Variants in PTCHD4 observed in about 807,000 individuals in gnomAD.
The protein encoded by PTCHD4 is patched domain-containing protein 4.
Under a neutral mutation model 58.1 loss-of-function variants are expected in PTCHD4, and 33 were observed. That is an observed-to-expected ratio of 0.57 (90% confidence interval 0.43 to 0.76). The LOEUF is 0.76. PTCHD4 is among the 30% of genes least tolerant of loss of function. PTCHD4 has a pLI of 0.00. For synonymous variants in PTCHD4, 478 were observed against 409.6 expected, an observed-to-expected ratio of 1.17 and a Z score of -2.02; for missense variants, 1,058 against 1,027.1, an observed-to-expected ratio of 1.03 and a Z score of -0.41.
At chr6:47,992,955 C>G (rs956661113) in intron 4 of PTCHD4, among the ~76,000 whole-genome samples, 11 of 152,084 alleles carry the variant, frequency 7.2e-5, no homozygotes, top group African/African-American at 2.4e-4. Context: ...AGCAGCAGTG[C>G]TGAAAAGGAC....
chr6:48,001,914 A>G (rs1768737905), intron 4 of PTCHD4, among the ~76,000 whole-genome samples: 1 of 152,248 alleles, frequency 6.6e-6, no homozygotes, highest in African/African-American at 2.4e-5. Context: ...AATTTACAAG[A>G]AAAAACCAAA....
intron 1 of PTCHD4, among the ~76,000 whole-genome samples, chr6:48,102,367 C>T (rs1765622731): frequency 6.6e-6 from 1 of 152,206 alleles, no homozygotes; most frequent in Non-Finnish European, 1.5e-5. Flanking sequence ...ATAGGGTTAT[C>T]TTACCCTGAG....
At chr6:47,880,550 G>A (rs980365811) in intron 4 of PTCHD4, among the ~76,000 whole-genome samples, 6 of 151,806 alleles carry the variant, frequency 4.0e-5, no homozygotes, top group African/African-American at 9.7e-5. Flanking sequence ...AATCTGCCAC[G>A]TCACATAAAA....
intron 4 of PTCHD4, among the ~76,000 whole-genome samples, chr6:47,967,744 C>T (rs1185159265): frequency 6.6e-6 from 1 of 152,150 alleles, no homozygotes; most frequent in East Asian, 1.9e-4. Context: ...TCTTCTCTCC[C>T]TAAACTTCAT....
chr6:48,021,777 G>A (rs186905259), intron 3 of PTCHD4, among the ~76,000 whole-genome samples: 1 of 152,088 alleles, frequency 6.6e-6, no homozygotes, highest in East Asian at 1.9e-4. Flanking sequence ...GCTGTCTAAG[G>A]TTATATCAAA....
Position 48,105,625 on chromosome 6 carries a change from C to CA in PTCHD4, c.-970+5423dup, listed in dbSNP as rs555348162. ...AGAGCAGAACTGAAGGAAATAGAGA[C>CA]AAAAAAAACCCTTCAAAAAATCAAT... On this transcript the variant is annotated intron_variant, in intron 1 of 4. Coordinates refer to ENST00000339488, the MANE Select transcript of PTCHD4 (RefSeq NM_001384253.1). 4.5e-3 allele frequency among the ~76,000 whole-genome samples: 677 copies of CA among 151,252 alleles called. 12 individuals carry two copies. The highest frequency in any genetic ancestry group is 3.6e-3 in the Non-Finnish European group (247 of 67,730).
chr6:47,915,660 C>T (rs189068690), intron 4 of PTCHD4, among the ~76,000 whole-genome samples: 1 of 150,592 alleles, frequency 6.6e-6, no homozygotes, highest in African/African-American at 2.4e-5. Flanking sequence ...CTTTGTAATG[C>T]TATTTTATTT....
intron 3 of PTCHD4, among the ~76,000 whole-genome samples, chr6:48,060,230 T>A (rs1409164228): frequency 6.6e-6 from 1 of 152,212 alleles, no homozygotes; most frequent in Non-Finnish European, 1.5e-5. Context: ...CACATTAGTA[T>A]GGCCTGCACT....
chr6:48,013,854 G>T (rs908227847), intron 3 of PTCHD4, among the ~76,000 whole-genome samples: 1 of 152,122 alleles, frequency 6.6e-6, no homozygotes, highest in Admixed American at 6.5e-5. Context: ...GCAACAAAAT[G>T]ATTTATTCAT....
chr6:48,108,633 A>T (rs1582148621), intron 1 of PTCHD4, among the ~76,000 whole-genome samples: 1 of 151,766 alleles, frequency 6.6e-6, no homozygotes, highest in Admixed American at 6.6e-5. Flanking sequence ...ATAAAAATAA[A>T]AACTATTCTT....
intron 4 of PTCHD4, among the ~76,000 whole-genome samples, chr6:47,929,388 A>C (rs1172684472): frequency 6.6e-6 from 1 of 152,190 alleles, no homozygotes; most frequent in Non-Finnish European, 1.5e-5. Context: ...TTACACTGAT[A>C]TTTAATATAA....
rs1765398612 is a variant in PTCHD4, at chr6:47,920,539, A to C, written c.899-40603T>G. ...AGAAGAGAAAGAAGAGTTCAAGATA[A>C]AAATTGAAATTGTCATCCAATATTG... On this transcript the variant is annotated intron_variant, in intron 4 of 4. Coordinates refer to ENST00000339488, the MANE Select transcript of PTCHD4 (RefSeq NM_001384253.1). 2.6e-5 allele frequency among the ~76,000 whole-genome samples: 4 copies of C among 152,188 alleles called. No homozygotes were observed. The South Asian group carries it at 8.3e-4, about 31-fold the overall frequency.
chr6:47,996,293 A>G (rs187184465), intron 4 of PTCHD4, among the ~76,000 whole-genome samples: 15 of 152,184 alleles, frequency 9.9e-5, no homozygotes, highest in African/African-American at 3.6e-4. Flanking sequence ...ACATGGTGAA[A>G]CCCCATCTCT....
chr6:47,995,858 C>CCATG (rs747652380), intron 4 of PTCHD4, among the ~76,000 whole-genome samples: 1 of 152,100 alleles, frequency 6.6e-6, no homozygotes, highest in South Asian at 2.1e-4. Flanking sequence ...GTGCAGCCAC[C>CCATG]CATGCTATGA....
At chr6:48,074,158 G>A (rs1050151114) in intron 1 of PTCHD4, among the ~76,000 whole-genome samples, 1 of 151,754 alleles carries the variant, frequency 6.6e-6, no homozygotes, top group African/African-American at 2.4e-5. Flanking sequence ...GCAGAAGGGC[G>A]TATCCGAGAT....
intron 4 of PTCHD4, among the ~76,000 whole-genome samples, chr6:47,895,612 T>C (rs555578669): frequency 6.6e-6 from 1 of 152,320 alleles, no homozygotes; most frequent in African/African-American, 2.4e-5. Context: ...TGGTGCTACA[T>C]GAGAGCACAT....
At chr6:47,965,974 C>T (rs917802442) in intron 4 of PTCHD4, among the ~76,000 whole-genome samples, 5 of 152,024 alleles carry the variant, frequency 3.3e-5, no homozygotes, top group Non-Finnish European at 7.4e-5. Context: ...CCTCTTGGTT[C>T]TAAGAAGTTC....
chr6:47,913,204 A>G (rs1275842059), intron 4 of PTCHD4, among the ~76,000 whole-genome samples: 1 of 152,094 alleles, frequency 6.6e-6, no homozygotes, highest in African/African-American at 2.4e-5. Context: ...TGGGAATTCA[A>G]TAGTAGTACT....
At chr6:47,958,328 A>C (rs1413702525) in intron 4 of PTCHD4, among the ~76,000 whole-genome samples, 1 of 152,210 alleles carries the variant, frequency 6.6e-6, no homozygotes, top group East Asian at 1.9e-4. Context: ...AGACAAGAAC[A>C]AGACCACAAG....
Sources: allele counts gnomAD v4.1 joint callset (sites outside exome capture counted in the v4.1 genomes callset), GRCh38; gene constraint gnomAD v4.1.1; transcripts MANE v1.5; gene names NCBI Gene and HGNC (gene_info 2026-07-23, HGNC 2026-07-21).